CHMP2B: variants seen among roughly 807,000 people sequenced by gnomAD.
CHMP2B encodes the protein charged multivesicular body protein 2B.
CHMP2B carries 22 observed loss-of-function variants against 29.8 expected under a neutral mutation model. The ratio of observed to expected loss-of-function variants is 0.74; its 90% CI spans 0.53 to 1.05. The LOEUF is 1.05. CHMP2B is among the 50% of genes least tolerant of loss of function. CHMP2B has a pLI of 0.00. For synonymous variants in CHMP2B, 78 were observed against 75.8 expected (o/e 1.03, Z -0.15); for missense variants, 261 against 252.2 (o/e 1.03, Z -0.24).
chr3:87,243,861 TTCTC>T (rs1412157233), intron 2 of CHMP2B, among the ~76,000 whole-genome samples: 3 of 151,652 alleles, frequency 2.0e-5, no homozygotes, highest in East Asian at 1.9e-4. Flanking sequence ...TGTAACTGTG[TTCTC>T]TCTCTCTCTG....
chr3:87,253,532 A>C (rs375743465), intron 5 of CHMP2B, 22 bp downstream of exon 5: 6 of 1,486,656 alleles, frequency 4.0e-6, no homozygotes, highest in Non-Finnish European at 5.6e-6. Context: ...ATCTTTTCTT[A>C]GTTGGAAATA....
Position 87,245,702 on chromosome 3 carries a change from T to C in CHMP2B, c.127-12T>C. On this transcript the variant is annotated splice_polypyrimidine_tract_variant and intron_variant, in intron 2 of 5. Coordinates refer to ENST00000263780, the MANE Select transcript of CHMP2B (RefSeq NM_014043.4). Reference sequence around the variant, plus strand: ...AATAATTTTATTTTCTTTTGTTTGTTTCTTCTCTTAGGAATTAGAAATTAA... The same window carrying C: ...AATAATTTTATTTTCTTTTGTTTGTCTCTTCTCTTAGGAATTAGAAATTAA... 1 of 1,606,626 alleles carries C rather than the reference T, an allele frequency of 6.2e-7. No homozygotes were observed. The highest frequency in any genetic ancestry group is 8.5e-7 in the Non-Finnish European group (1 of 1,173,880).
chr3:87,251,955 C>T (rs965287706), intron 4 of CHMP2B, among the ~76,000 whole-genome samples: 15 of 151,618 alleles, frequency 9.9e-5, no homozygotes, highest in South Asian at 2.1e-4. Context: ...TAACATACCG[C>T]GAAATTATTT....
chr3:87,240,060 T>G (rs1057185861), intron 1 of CHMP2B, among the ~76,000 whole-genome samples: 3 of 150,574 alleles, frequency 2.0e-5, no homozygotes, highest in East Asian at 1.9e-4. Flanking sequence ...ATGAAAAGGG[T>G]GTGTGTGTGT....
In CHMP2B at chr3:87,245,698, T is replaced by C. The variant is rs761297424; in HGVS notation, c.127-16T>C. The C allele has an allele frequency of 4.4e-6, 7 of 1,602,988 alleles. No homozygotes were observed. In the South Asian group the frequency reaches 7.7e-5, roughly 18 times the overall value. ...CTTTAATAATTTTATTTTCTTTTGT[T>C]TGTTTCTTCTCTTAGGAATTAGAAA... is the stretch of plus-strand genomic sequence containing the variant. On this transcript the variant is annotated splice_polypyrimidine_tract_variant and intron_variant, in intron 2 of 5. Transcript: ENST00000263780.
intron 3 of CHMP2B, among the ~76,000 whole-genome samples, chr3:87,249,421 C>T (rs1391366247): frequency 6.6e-6 from 1 of 151,550 alleles, no homozygotes; most frequent in Non-Finnish European, 1.5e-5. Flanking sequence ...TTTTTTAAAC[C>T]ATGGTTTAAA....
chr3:87,235,136 A>T (rs1303275280), intron 1 of CHMP2B, among the ~76,000 whole-genome samples: 1 of 152,222 alleles, frequency 6.6e-6, no homozygotes, highest in Non-Finnish European at 1.5e-5. Context: ...ATAAATAAAT[A>T]TATGTATTCC....
At chr3:87,247,056 A>G (rs191678010) in intron 3 of CHMP2B, among the ~76,000 whole-genome samples, 1 of 152,340 alleles carries the variant, frequency 6.6e-6, no homozygotes, top group East Asian at 1.9e-4. Flanking sequence ...GGAAAGTACA[A>G]GCTTTATGTT....
At chr3:87,231,278 G>T (rs1047902078) in intron 1 of CHMP2B, among the ~76,000 whole-genome samples, 1 of 151,998 alleles carries the variant, frequency 6.6e-6, no homozygotes, top group East Asian at 1.9e-4. Context: ...TATCCTTTGA[G>T]GTATCCTCTT....
intron 3 of CHMP2B, 115 bp downstream of exon 3, chr3:87,246,023 G>A (rs1706206426): frequency 2.7e-6 from 2 of 752,904 alleles, no homozygotes; most frequent in African/African-American, 1.8e-5. Context: ...CAAAATGTGT[G>A]TAATTTTTAG....
At position 87,253,927 on chromosome 3, in the gene CHMP2B, A is replaced by AC. The variant is rs1236187797; in HGVS notation, c.*105_*106insC. ...ACATGTATTTTGCAAAAAAAAAAAA[A>AC]ATGAAGACCATGAGTGAACAGTTGT... is the stretch of plus-strand genomic sequence containing the variant. On this transcript the variant is annotated 3_prime_UTR_variant, in exon 6 of 6. Coordinates refer to ENST00000263780, the MANE Select transcript of CHMP2B (RefSeq NM_014043.4). 3 of 770,318 alleles carry AC rather than the reference A, an allele frequency of 3.9e-6. No homozygotes were observed. Among genetic ancestry groups the AC allele is most frequent in the Non-Finnish European group, 6.4e-6 (3 of 466,330 alleles). The allele number at this position is 770,318 out of a possible 1,614,324, so 47.7% of individuals were successfully genotyped here. A position where few individuals can be genotyped will look rare whatever the true frequency, so the allele number is the denominator to read the frequency against.
At chr3:87,239,214 C>T (rs1706070294) in intron 1 of CHMP2B, among the ~76,000 whole-genome samples, 1 of 151,952 alleles carries the variant, frequency 6.6e-6, no homozygotes, top group African/African-American at 2.4e-5. Flanking sequence ...TTCTCTTATT[C>T]TATAGGTTGT....
At chr3:87,252,152 T>A (rs930771025) in intron 4 of CHMP2B, among the ~76,000 whole-genome samples, 17 of 151,906 alleles carry the variant, frequency 1.1e-4, no homozygotes, top group Non-Finnish European at 1.5e-4. Flanking sequence ...TCATGGCTCA[T>A]AGATTATAGG....
rs1044499 is a variant in CHMP2B at position 87,249,925 on chromosome 3, A to C, written c.372A>C (p.Thr124=). Reference sequence around the variant, plus strand: ...TGGATCCACAAAAGACATTACAAACAATGCAGAATTTCCAGAAGGAAAACA... The same window carrying C: ...TGGATCCACAAAAGACATTACAAACCATGCAGAATTTCCAGAAGGAAAACA... The part of the protein sequence containing the change: ...KKMDPQKTLQ[T]MQNFQKENMK... The change falls in exon 4 of 6, where the codon ACA becomes ACC. Residue 124 remains threonine (T), a synonymous_variant. Coordinates refer to ENST00000263780, the MANE Select transcript of CHMP2B (RefSeq NM_014043.4). 134,112 of 1,604,988 alleles carry C rather than the reference A, an allele frequency of 0.084. 6,491 individuals carry two copies. Among genetic ancestry groups the C allele is most frequent in the East Asian group, 0.23 (10,293 of 44,556 alleles).
At chr3:87,233,371 T>A (rs114074949) in intron 1 of CHMP2B, among the ~76,000 whole-genome samples, 233 of 152,312 alleles carry the variant, frequency 1.5e-3, no homozygotes, top group African/African-American at 4.3e-3. Flanking sequence ...ATCTTGTTCC[T>A]AGAACCGGAA....
intron 1 of CHMP2B, among the ~76,000 whole-genome samples, chr3:87,236,721 G>A (rs1337952377): frequency 5.9e-5 from 9 of 151,910 alleles, no homozygotes; most frequent in Non-Finnish European, 1.3e-4. Context: ...AATTAGCCAG[G>A]CATGGTGGCG....
At chr3:87,249,632 A>T (rs1706278039) in intron 3 of CHMP2B, among the ~76,000 whole-genome samples, 5 of 152,068 alleles carry the variant, frequency 3.3e-5, no homozygotes, top group African/African-American at 1.2e-4. Flanking sequence ...TTATTACATA[A>T]TTCCTTGCCT....
intron 4 of CHMP2B, among the ~76,000 whole-genome samples, chr3:87,250,831 G>A (rs1160764667): frequency 6.6e-6 from 1 of 151,754 alleles, no homozygotes; most frequent in Non-Finnish European, 1.5e-5. Context: ...TTATAAGGCT[G>A]TTGGTTTGTA....
chr3:87,228,852 A>G (rs1444817820), intron 1 of CHMP2B, among the ~76,000 whole-genome samples: 1 of 151,180 alleles, frequency 6.6e-6, no homozygotes, highest in Admixed American at 6.6e-5. Flanking sequence ...ATGCTGCTTA[A>G]TCTTTAATAT....
Sources: gnomAD v4.1 joint callset for allele counts (sites outside exome capture counted in the v4.1 genomes callset) on GRCh38, gnomAD v4.1.1 for gene constraint, MANE v1.5 for transcripts, NCBI Gene and HGNC (gene_info 2026-07-23, HGNC 2026-07-21) for gene names.